Variants in BABAM2 observed in about 807,000 individuals in gnomAD.
BABAM2 encodes the protein BRISC and BRCA1 A complex member 2, also known as BRISC and BRCA1-A complex member 2.
BABAM2 carries 31 observed loss-of-function variants against 54.7 expected under a neutral mutation model. The ratio of observed to expected loss-of-function variants is 0.57; its 90% confidence interval spans 0.43 to 0.77. The LOEUF (loss-of-function observed/expected upper bound fraction) is 0.77. Among genes scored for constraint, BABAM2 ranks in the 30% least tolerant of loss-of-function variants. BABAM2 has a pLI of 0.00. For synonymous variants in BABAM2, 167 were observed against 162.9 expected (o/e 1.03, Z -0.19); for missense variants, 364 against 455.8 (o/e 0.80, Z 1.83).
chr2:28,030,079 T>C (rs113807668), intron 5 of BABAM2, among the ~76,000 whole-genome samples: 79 of 152,290 alleles, frequency 5.2e-4, no homozygotes, highest in African/African-American at 1.4e-3. Flanking sequence ...TTTGCCTTCC[T>C]GTCTCATTCC....
At chr2:28,168,230 G>T (rs956833026) in intron 7 of BABAM2, among the ~76,000 whole-genome samples, 6 of 152,184 alleles carry the variant, frequency 3.9e-5, no homozygotes, top group Non-Finnish European at 8.8e-5. Context: ...GGCCAGAACT[G>T]CCTGTGTCGA....
chr2:27,935,025 A>G (rs566254136), intron 3 of BABAM2, among the ~76,000 whole-genome samples: 103 of 152,376 alleles, frequency 6.8e-4, no homozygotes, highest in Non-Finnish European at 1.1e-3. Flanking sequence ...ACTTAGCAAC[A>G]GATTTTTAGT....
At chr2:28,095,830 G>A (rs1361797364) in intron 6 of BABAM2, among the ~76,000 whole-genome samples, 1 of 152,172 alleles carries the variant, frequency 6.6e-6, no homozygotes, top group Non-Finnish European at 1.5e-5. Flanking sequence ...CATCCTAAGA[G>A]GCTTGGAGGT....
chr2:27,944,746 C>T (rs1558607967), intron 3 of BABAM2, among the ~76,000 whole-genome samples: 1 of 152,000 alleles, frequency 6.6e-6, no homozygotes, highest in Non-Finnish European at 1.5e-5. Flanking sequence ...AAATACCTAG[C>T]AGTAGTATTA....
chr2:27,957,665 CTG>C (rs1670182882), intron 3 of BABAM2, among the ~76,000 whole-genome samples: 3 of 152,152 alleles, frequency 2.0e-5, no homozygotes, highest in Admixed American at 6.5e-5. Flanking sequence ...CTGTAGCAGA[CTG>C]TGTTTTCCAA....
At chr2:27,923,633 T>C (rs1041791229) in intron 2 of BABAM2, among the ~76,000 whole-genome samples, 11 of 151,684 alleles carry the variant, frequency 7.3e-5, no homozygotes, top group African/African-American at 1.2e-4. Flanking sequence ...AAAATTATAA[T>C]AGTAAAATAG....
intron 11 of BABAM2, among the ~76,000 whole-genome samples, chr2:28,332,879 C>T (rs1277034818): frequency 6.6e-6 from 1 of 152,210 alleles, no homozygotes; most frequent in Non-Finnish European, 1.5e-5. Flanking sequence ...TGTCCCATGA[C>T]TTTGGCTGAG....
At chr2:27,914,973 C>T (rs536892826) in intron 2 of BABAM2, among the ~76,000 whole-genome samples, 1 of 152,198 alleles carries the variant, frequency 6.6e-6, no homozygotes, top group Non-Finnish European at 1.5e-5. Flanking sequence ...TCTGCTTGCT[C>T]TGCAGCCAAT....
At position 27,945,755 on chromosome 2, in the gene BABAM2, C is replaced by T. The variant is rs188310452; in HGVS notation, c.205+15847C>T. Among the ~76,000 whole-genome samples the T allele has an allele frequency of 7.3e-5, 11 of 150,214 alleles. No homozygotes were observed. The East Asian group carries it at 2.1e-3, about 29-fold the overall frequency. On this transcript the variant is annotated intron_variant, in intron 3 of 11. Transcript: ENST00000379624. ...CTTAATCCAATTTTGTTAAATTTACCTCTAAATATATCATACTTTCTGATG... is the reference window on the plus strand; with the variant it reads ...CTTAATCCAATTTTGTTAAATTTACTTCTAAATATATCATACTTTCTGATG...
In BABAM2 at chr2:28,014,837, A is replaced by G. The variant is rs570918676; in HGVS notation, c.301-10389A>G. 1.1e-4 allele frequency among the ~76,000 whole-genome samples: 17 copies of G among 152,300 alleles called. No homozygotes were observed. In the South Asian group the frequency reaches 3.5e-3, roughly 32 times the overall value. On this transcript the variant is annotated intron_variant, in intron 4 of 11. Transcript: ENST00000379624. Reference sequence around the variant, plus strand: ...CAAAAAATAAACTATCACTGGTTACATAAAATTTTCCTGACTGGTTAAAAC... The same window carrying G: ...CAAAAAATAAACTATCACTGGTTACGTAAAATTTTCCTGACTGGTTAAAAC...
chr2:28,022,357 A>G (rs79727254), intron 4 of BABAM2, among the ~76,000 whole-genome samples: 3 of 152,250 alleles, frequency 2.0e-5, no homozygotes, highest in Non-Finnish European at 4.4e-5. Flanking sequence ...CATTCTACAC[A>G]GTCTCAATTA....
At chr2:28,120,307 C>T (rs1254026206) in intron 6 of BABAM2, among the ~76,000 whole-genome samples, 1 of 152,164 alleles carries the variant, frequency 6.6e-6, no homozygotes, top group East Asian at 1.9e-4. Flanking sequence ...TTGGGCCATA[C>T]AGTATTTAGA....
At chr2:27,942,571 G>A (rs1668980086) in intron 3 of BABAM2, among the ~76,000 whole-genome samples, 1 of 147,664 alleles carries the variant, frequency 6.8e-6, no homozygotes, top group East Asian at 2.0e-4. Context: ...TTTATGCCAC[G>A]TTACCCAGGC....
chr2:28,231,601 A>G (rs1328849428), intron 7 of BABAM2, among the ~76,000 whole-genome samples: 1 of 152,006 alleles, frequency 6.6e-6, no homozygotes, highest in Non-Finnish European at 1.5e-5. Flanking sequence ...CTCCCTCAGA[A>G]CCCAATTCAG....
At chr2:28,151,415 C>CA (rs1321458945) in intron 7 of BABAM2, among the ~76,000 whole-genome samples, 1 of 151,954 alleles carries the variant, frequency 6.6e-6, no homozygotes, top group Non-Finnish European at 1.5e-5. Flanking sequence ...ACTAAAAATA[C>CA]AAAAAATTAG....
At chr2:28,307,903 T>C (rs1688703349) in intron 11 of BABAM2, 1 of 152,282 alleles carries the variant, frequency 6.6e-6, no homozygotes, top group Non-Finnish European at 1.5e-5. Flanking sequence ...AAATTGGCAG[T>C]CATCAAGAAA....
chr2:28,113,981 AT>A (rs1459715665), intron 6 of BABAM2, among the ~76,000 whole-genome samples: 1 of 152,128 alleles, frequency 6.6e-6, no homozygotes, highest in East Asian at 1.9e-4. Flanking sequence ...AATGCTTGTG[AT>A]TTTTGCATGC....
chr2:28,238,679 C>G (rs941846500), intron 8 of BABAM2, among the ~76,000 whole-genome samples: 1 of 152,160 alleles, frequency 6.6e-6, no homozygotes, highest in African/African-American at 2.4e-5. Context: ...CAAAACTGAT[C>G]GGAGGACAGA....
intron 5 of BABAM2, among the ~76,000 whole-genome samples, chr2:28,029,426 A>T (rs1676134662): frequency 6.6e-6 from 1 of 152,126 alleles, no homozygotes; most frequent in African/African-American, 2.4e-5. Context: ...ACTCCTTTAG[A>T]TACTTCATAT....
Sources: gnomAD v4.1 joint callset for allele counts (sites outside exome capture counted in the v4.1 genomes callset) on GRCh38, gnomAD v4.1.1 for gene constraint, MANE v1.5 for transcripts, NCBI Gene and HGNC (gene_info 2026-07-23, HGNC 2026-07-21) for gene names.